ATG4C: variants seen among roughly 807,000 people sequenced by gnomAD.
The protein encoded by ATG4C is cysteine protease ATG4C.
A neutral mutation model predicts 57.6 loss-of-function variants in ATG4C; 56 were observed. That is an observed-to-expected ratio of 0.97 (90% CI 0.78 to 1.21). The LOEUF (loss-of-function observed/expected upper bound fraction) is 1.21, where lower values mean the gene tolerates loss of function less well. ATG4C is among the 50% of genes most tolerant of loss of function. The pLI, the probability that ATG4C is intolerant of heterozygous loss-of-function variation, is 0.00. For missense variants in ATG4C, 595 were observed against 529.8 expected (o/e 1.12, Z -1.21); for synonymous variants, 157 against 174.1 (o/e 0.90, Z 0.78).
At chr1:62,813,154 G>T (rs544893555) in intron 3 of ATG4C, among the ~76,000 whole-genome samples, 1 of 152,110 alleles carries the variant, frequency 6.6e-6, no homozygotes, top group African/African-American at 2.4e-5. Context: ...AAAAGAGCTC[G>T]CGTAGCCAAG....
At chr1:62,856,710 A>C (rs767211457) in intron 10 of ATG4C, among the ~76,000 whole-genome samples, 36 of 152,202 alleles carry the variant, frequency 2.4e-4, no homozygotes, top group Non-Finnish European at 4.1e-4. Context: ...ATCACTGTAG[A>C]GTGAGATAGT....
chr1:62,850,489 C>A (rs972929959), intron 10 of ATG4C, among the ~76,000 whole-genome samples: 2 of 152,080 alleles, frequency 1.3e-5, no homozygotes, highest in Non-Finnish European at 2.9e-5. Flanking sequence ...TACAAACCCA[C>A]AAGGCTTTAT....
chr1:62,813,711 A>C (rs1448264243), intron 3 of ATG4C, among the ~76,000 whole-genome samples: 1 of 152,178 alleles, frequency 6.6e-6, no homozygotes, highest in African/African-American at 2.4e-5. Flanking sequence ...CTGACAAAGG[A>C]CTAATATCCA....
intron 10 of ATG4C, among the ~76,000 whole-genome samples, chr1:62,850,901 TACATAC>T (rs1666501751): frequency 5.8e-5 from 3 of 51,562 alleles, no homozygotes; most frequent in South Asian, 5.4e-4. Flanking sequence ...TATATATATA[TACATAC>T]ACATACACAC....
intron 1 of ATG4C, among the ~76,000 whole-genome samples, chr1:62,800,403 C>G (rs1664618797): frequency 6.6e-6 from 1 of 152,118 alleles, no homozygotes; most frequent in Non-Finnish European, 1.5e-5. Flanking sequence ...TGCTGTACTT[C>G]TTTCTTACTT....
At position 62,814,138 on chromosome 1, in the gene ATG4C, A is replaced by T. The variant is rs186172822; in HGVS notation, c.161-2437A>T. On this transcript the variant is annotated intron_variant, in intron 3 of 10. Transcript: ENST00000317868. ...ATAAATCATTCTACTATAAAGACACATGCACATGTATGTTTATTGCGGCAC... is the reference window on the plus strand; with the variant it reads ...ATAAATCATTCTACTATAAAGACACTTGCACATGTATGTTTATTGCGGCAC... 6.8e-4 allele frequency among the ~76,000 whole-genome samples: 103 copies of T among 152,316 alleles called. 2 individuals carry two copies. The highest frequency in any genetic ancestry group is 2.4e-3 in the African/African-American group (101 of 41,562).
chr1:62,800,723 A>G (rs1664630322), intron 1 of ATG4C, among the ~76,000 whole-genome samples: 1 of 152,220 alleles, frequency 6.6e-6, no homozygotes. Context: ...ATATACCTAT[A>G]TTTCATATCA....
intron 10 of ATG4C, among the ~76,000 whole-genome samples, chr1:62,860,310 G>T (rs1666812482): frequency 6.6e-6 from 1 of 152,106 alleles, no homozygotes; most frequent in Non-Finnish European, 1.5e-5. Context: ...AGTAAAATGA[G>T]TACACTCTAA....
At chr1:62,842,855 A>C (rs1327383320) in intron 10 of ATG4C, among the ~76,000 whole-genome samples, 1 of 152,152 alleles carries the variant, frequency 6.6e-6, no homozygotes, top group Non-Finnish European at 1.5e-5. Flanking sequence ...GGCCAGGTGA[A>C]CATAACAAAA....
chr1:62,862,604 A>G (rs1666889477), intron 10 of ATG4C, among the ~76,000 whole-genome samples: 1 of 152,112 alleles, frequency 6.6e-6, no homozygotes, highest in Admixed American at 6.5e-5. Context: ...TATAAATAAA[A>G]TAAATTTCAG....
At chr1:62,832,935 A>G (rs900233769) in intron 7 of ATG4C, among the ~76,000 whole-genome samples, 7 of 152,200 alleles carry the variant, frequency 4.6e-5, no homozygotes, top group African/African-American at 9.6e-5. Flanking sequence ...GAGATTTCAC[A>G]TATATAAAAT....
chr1:62,841,505 A>T lies in ATG4C; in HGVS notation c.1167A>T (p.Arg389=). 6.2e-7 allele frequency: 1 copy of T among 1,606,772 alleles called. No homozygotes were observed. Among genetic ancestry groups the T allele is most frequent in the Non-Finnish European group, 8.5e-7 (1 of 1,176,090 alleles). Residue 389 remains arginine (R), a synonymous_variant, in exon 10 of 11, where the codon CGA becomes CGT. Coordinates refer to ENST00000317868, the MANE Select transcript of ATG4C (RefSeq NM_032852.4). ...DPSCTIGFYC[R]NVQDFKRASE... ...GCTGTACAATAGGATTTTACTGTCG[A>T]AATGTTCAGGACTTCAAACGAGCTT...
At chr1:62,800,659 T>C (rs957115592) in intron 1 of ATG4C, among the ~76,000 whole-genome samples, 1 of 152,232 alleles carries the variant, frequency 6.6e-6, no homozygotes, top group African/African-American at 2.4e-5. Context: ...TCCTTTTCTT[T>C]ATTCTAGTGT....
At chr1:62,796,392 A>G (rs1306739850) in intron 1 of ATG4C, among the ~76,000 whole-genome samples, 1 of 152,158 alleles carries the variant, frequency 6.6e-6, no homozygotes, top group Non-Finnish European at 1.5e-5. Flanking sequence ...ATTATGAATT[A>G]ACAAGGAATA....
At chr1:62,835,091 C>T (rs1665957095) in intron 9 of ATG4C, among the ~76,000 whole-genome samples, 2 of 150,662 alleles carry the variant, frequency 1.3e-5, no homozygotes, top group East Asian at 1.9e-4. Context: ...TGTTAGAAAC[C>T]CTGGCCATAC....
rs141075757 is a variant in ATG4C at position 62,808,886 on chromosome 1, A to G, written c.160+3631A>G. Reference sequence around the variant, plus strand: ...ATGATATGTGCTAAAACTAAATTGCATTGTTTTATAGAATGAATGGTTATG... The same window carrying G: ...ATGATATGTGCTAAAACTAAATTGCGTTGTTTTATAGAATGAATGGTTATG... On this transcript the variant is annotated intron_variant, in intron 3 of 10. Transcript: ENST00000317868. 5.3e-5 allele frequency among the ~76,000 whole-genome samples: 8 copies of G among 152,290 alleles called. No individual in the cohort carries two copies. The East Asian group carries it at 1.4e-3, about 26-fold the overall frequency.
chr1:62,825,128 C>T (rs1026257377), intron 6 of ATG4C, among the ~76,000 whole-genome samples: 5 of 151,242 alleles, frequency 3.3e-5, no homozygotes, highest in Non-Finnish European at 5.9e-5. Flanking sequence ...CCCAGCTACT[C>T]GGGAGGCTGA....
intron 3 of ATG4C, among the ~76,000 whole-genome samples, chr1:62,811,852 A>G (rs182856562): frequency 1.3e-3 from 196 of 152,318 alleles, no homozygotes; most frequent in African/African-American, 4.4e-3. Context: ...GAAACCATGT[A>G]CAGTGGGTCC....
intron 1 of ATG4C, 141 bp from the exon 2 acceptor site, chr1:62,803,574 CTGTT>C (rs148123591): frequency 0.021 from 6,767 of 328,142 alleles, 437 homozygotes; most frequent in African/African-American, 0.13. Context: ...AATTGGTTTT[CTGTT>C]TATTTCTGAG....
Sources: allele counts gnomAD v4.1 joint callset (sites outside exome capture counted in the v4.1 genomes callset), GRCh38; gene constraint gnomAD v4.1.1; transcripts MANE v1.5; gene names NCBI Gene and HGNC (gene_info 2026-07-23, HGNC 2026-07-21).